Variants in LRMDA observed in about 807,000 individuals in gnomAD.
LRMDA encodes the protein leucine-rich melanocyte differentiation-associated protein.
In LRMDA, 18 loss-of-function variants were observed where a neutral mutation model predicts 29.8. That is an observed-to-expected ratio of 0.60 (90% CI 0.42 to 0.90). The LOEUF is 0.90. LRMDA is among the 40% of genes least tolerant of loss of function. The pLI is 0.00. For missense variants in LRMDA, 273 were observed against 273.9 expected (o/e 1.00, Z 0.02); for synonymous variants, 125 against 109.4 (o/e 1.14, Z -0.89).
chr10:76,465,896 A>C (rs1842560262), intron 6 of LRMDA, among the ~76,000 whole-genome samples: 3 of 151,974 alleles, frequency 2.0e-5, no homozygotes, highest in Admixed American at 6.6e-5. Context: ...TCTGTGCCCC[A>C]ATCTTTTCTT....
chr10:75,945,647 C>T (rs1341278453), intron 2 of LRMDA, among the ~76,000 whole-genome samples: 1 of 152,150 alleles, frequency 6.6e-6, no homozygotes, highest in African/African-American at 2.4e-5. Flanking sequence ...ATATAAGCTA[C>T]TCTATCATTA....
At chr10:76,174,891 A>C (rs1850904795) in intron 5 of LRMDA, among the ~76,000 whole-genome samples, 1 of 152,026 alleles carries the variant, frequency 6.6e-6, no homozygotes. Context: ...AGGCCGAGGC[A>C]GGGGGGATTG....
chr10:76,138,525 AC>A (rs1342815168), intron 5 of LRMDA, among the ~76,000 whole-genome samples: 1 of 152,202 alleles, frequency 6.6e-6, no homozygotes, highest in East Asian at 1.9e-4. Context: ...ACAAATGGTG[AC>A]CTTAAGTTAT....
chr10:75,848,052 C>T (rs1035545944), intron 2 of LRMDA, among the ~76,000 whole-genome samples: 7 of 152,192 alleles, frequency 4.6e-5, no homozygotes, highest in Admixed American at 2.6e-4. Flanking sequence ...CTAGCACTCT[C>T]ACTTCTGTAT....
At chr10:76,170,743 T>C (rs1850820475) in intron 5 of LRMDA, among the ~76,000 whole-genome samples, 3 of 152,238 alleles carry the variant, frequency 2.0e-5, no homozygotes, top group Non-Finnish European at 2.9e-5. Flanking sequence ...GGTTGGTTTC[T>C]TTTAGACCTT....
intron 2 of LRMDA, among the ~76,000 whole-genome samples, chr10:75,667,513 TG>T (rs1841838392): frequency 6.6e-6 from 1 of 152,218 alleles, no homozygotes; most frequent in Admixed American, 6.5e-5. Flanking sequence ...TTGCCCAGGT[TG>T]GTCTCAAACT....
At chr10:76,047,336 A>G (rs1848457346) in intron 4 of LRMDA, 33 bp downstream of exon 4, 2 of 1,569,012 alleles carry the variant, frequency 1.3e-6, no homozygotes, top group African/African-American at 2.7e-5. Flanking sequence ...ATGGTGGGAA[A>G]AGGGAAAAAG....
intron 2 of LRMDA, among the ~76,000 whole-genome samples, chr10:75,557,211 G>A (rs1683126393): frequency 1.3e-5 from 2 of 151,854 alleles, no homozygotes; most frequent in Admixed American, 1.3e-4. Context: ...TTACTTGGGA[G>A]GCTGAGGCAG....
chr10:75,663,938 C>A (rs1055865846), intron 2 of LRMDA, among the ~76,000 whole-genome samples: 1 of 152,200 alleles, frequency 6.6e-6, no homozygotes, highest in Non-Finnish European at 1.5e-5. Flanking sequence ...TTAGAATATA[C>A]TCAGGGGCCC....
chr10:76,141,672 G>C (rs555353360), intron 5 of LRMDA, among the ~76,000 whole-genome samples: 2 of 152,146 alleles, frequency 1.3e-5, no homozygotes. Flanking sequence ...TTCGAAAGGT[G>C]ATCTAGATTG....
chr10:76,152,587 T>G (rs893241703), intron 5 of LRMDA, among the ~76,000 whole-genome samples: 2 of 152,184 alleles, frequency 1.3e-5, no homozygotes, highest in African/African-American at 4.8e-5. Flanking sequence ...TATGTTTAAT[T>G]TTTTGGGGAA....
chr10:76,536,509 A>G (rs146482644), intron 6 of LRMDA, among the ~76,000 whole-genome samples: 3 of 152,240 alleles, frequency 2.0e-5, no homozygotes, highest in Non-Finnish European at 4.4e-5. Context: ...AGAGCGATTG[A>G]TCTAGAGCAT....
intron 2 of LRMDA, among the ~76,000 whole-genome samples, chr10:76,010,472 C>T (rs1847758741): frequency 1.3e-5 from 2 of 152,086 alleles, no homozygotes; most frequent in Admixed American, 1.3e-4. Flanking sequence ...ACTACCATGC[C>T]TGGCTAATTT....
At chr10:75,863,949 T>C (rs1298296128) in intron 2 of LRMDA, among the ~76,000 whole-genome samples, 1 of 151,324 alleles carries the variant, frequency 6.6e-6, no homozygotes, top group East Asian at 1.9e-4. Flanking sequence ...CTTCTAAGGA[T>C]TTGAAGCTTT....
At chr10:76,381,979 A>T (rs144148568) in intron 6 of LRMDA, among the ~76,000 whole-genome samples, 19 of 152,346 alleles carry the variant, frequency 1.2e-4, no homozygotes, top group African/African-American at 4.6e-4. Flanking sequence ...ACATGGAAGT[A>T]GGCAAATAAT....
At chr10:76,115,263 T>G (rs1849649138) in intron 5 of LRMDA, among the ~76,000 whole-genome samples, 2 of 152,250 alleles carry the variant, frequency 1.3e-5, no homozygotes, top group Admixed American at 1.3e-4. Flanking sequence ...TTAGGGAGAT[T>G]GCTCATAGGT....
At chr10:76,438,108 A>C (rs1842263789) in intron 6 of LRMDA, among the ~76,000 whole-genome samples, 1 of 152,196 alleles carries the variant, frequency 6.6e-6, no homozygotes, top group Admixed American at 6.5e-5. Context: ...GTGGTGATGC[A>C]GGAAGCCTGA....
intron 6 of LRMDA, among the ~76,000 whole-genome samples, chr10:76,338,279 G>T (rs1182546728): frequency 6.6e-6 from 1 of 151,990 alleles, no homozygotes; most frequent in Non-Finnish European, 1.5e-5. Context: ...CTTGAATCCA[G>T]GAGTTTGAGA....
chr10:76,157,617 A>G (rs1850561517), intron 5 of LRMDA, among the ~76,000 whole-genome samples: 1 of 151,922 alleles, frequency 6.6e-6, no homozygotes, highest in Non-Finnish European at 1.5e-5. Flanking sequence ...CTGTCTCTTA[A>G]AAACAAAAAA....
Sources: allele counts gnomAD v4.1 joint callset (sites outside exome capture counted in the v4.1 genomes callset), GRCh38; gene constraint gnomAD v4.1.1; transcripts MANE v1.5; gene names NCBI Gene and HGNC (gene_info 2026-07-23, HGNC 2026-07-21).